CEP112: variants seen among roughly 807,000 people sequenced by gnomAD.
CEP112 encodes centrosomal protein of 112 kDa.
Under a neutral mutation model 153.0 loss-of-function variants are expected in CEP112, and 127 were observed. That is an observed-to-expected ratio of 0.83 (90% CI 0.72 to 0.96). CEP112 has a LOEUF of 0.96. Ranked by LOEUF, CEP112 falls within the 40% of genes least tolerant of loss-of-function variation. The probability of loss-of-function intolerance (pLI) is 0.00; values close to 1 mark genes in which losing one functional copy is unlikely to be tolerated. For missense variants in CEP112, 1,089 were observed against 1,101.2 expected, an observed-to-expected ratio of 0.99 and a Z score of 0.16; for synonymous variants, 358 against 374.4, an observed-to-expected ratio of 0.96 and a Z score of 0.51.
At chr17:66,126,419 A>C (rs1253490068) in intron 6 of CEP112, among the ~76,000 whole-genome samples, 1 of 152,196 alleles carries the variant, frequency 6.6e-6, no homozygotes, top group Admixed American at 6.5e-5. Flanking sequence ...ACGAGTCACT[A>C]AAGGGAGAAT....
At chr17:65,770,368 A>C (rs1459066597) in intron 21 of CEP112, among the ~76,000 whole-genome samples, 1 of 152,064 alleles carries the variant, frequency 6.6e-6, no homozygotes, top group African/African-American at 2.4e-5. Context: ...AAATCTGTTA[A>C]TCTAGAAATG....
intron 4 of CEP112, among the ~76,000 whole-genome samples, chr17:66,169,086 T>C (rs1230782137): frequency 6.6e-6 from 1 of 152,130 alleles, no homozygotes; most frequent in African/African-American, 2.4e-5. Flanking sequence ...GATGGATTAC[T>C]AGGATGTAAA....
intron 14 of CEP112, among the ~76,000 whole-genome samples, 193 bp downstream of exon 14, chr17:66,028,930 G>A (rs1264713109): frequency 2.0e-5 from 3 of 152,084 alleles, no homozygotes; most frequent in African/African-American, 7.2e-5. Flanking sequence ...TATTTGTGTT[G>A]TGCTATATAG....
In CEP112 at chr17:65,815,896, C is replaced by T. The variant is rs921501162; in HGVS notation, c.2394+35908G>A. Among the ~76,000 whole-genome samples, 2 of 152,016 alleles carry T rather than the reference C, an allele frequency of 1.3e-5. 1 individual carries two copies. The highest frequency in any genetic ancestry group is 4.1e-4 in the South Asian group (2 of 4,826). On this transcript the variant is annotated intron_variant, in intron 21 of 26. Transcript: ENST00000535342. Reference sequence around the variant, plus strand: ...TTGTAGTTTTGTATTTTTGCAGATTCCTTTTATCTCATGTAGATGACATGT... The same window carrying T: ...TTGTAGTTTTGTATTTTTGCAGATTTCTTTTATCTCATGTAGATGACATGT...
At chr17:65,676,486 A>G (rs2047240303) in intron 24 of CEP112, among the ~76,000 whole-genome samples, 1 of 152,210 alleles carries the variant, frequency 6.6e-6, no homozygotes, top group African/African-American at 2.4e-5. Flanking sequence ...GGGATATACT[A>G]TGTTCACAGT....
chr17:65,977,849 C>T (rs8075223), intron 17 of CEP112, among the ~76,000 whole-genome samples: 151,663 of 152,262 alleles, frequency 1, 75,534 homozygotes, highest in Middle Eastern at 1. Flanking sequence ...CTGAGGCAGG[C>T]GAATCACTTG....
chr17:65,764,502 T>C (rs987203849), intron 21 of CEP112, among the ~76,000 whole-genome samples: 23 of 152,372 alleles, frequency 1.5e-4, no homozygotes, highest in Middle Eastern at 3.4e-3. Context: ...TTGATGAATG[T>C]CCTCTTTATC....
intron 24 of CEP112, among the ~76,000 whole-genome samples, chr17:65,659,063 T>C (rs12453613): frequency 0.3 from 37,551 of 126,250 alleles, 7,236 homozygotes; most frequent in Middle Eastern, 0.49. Flanking sequence ...TTCTATCCCC[T>C]GCCTTGAATA....
At chr17:66,136,834 T>C (rs574795141) in intron 4 of CEP112, among the ~76,000 whole-genome samples, 2 of 152,226 alleles carry the variant, frequency 1.3e-5, no homozygotes, top group African/African-American at 4.8e-5. Context: ...AGAGAAGACA[T>C]ATCCACAGAA....
rs75940761 is a variant in CEP112 at position 66,088,989 on chromosome 17, C to T, written c.768+7262G>A. Among the ~76,000 whole-genome samples the T allele has an allele frequency of 4.5e-3, 685 of 152,236 alleles. 6 individuals are homozygous for T. Among genetic ancestry groups the T allele is most frequent in the African/African-American group, 0.016 (653 of 41,538 alleles). Reference sequence around the variant, plus strand: ...AGCCCTGGTGGATACATATTTCAGGCTTACCATGCAGACCCAAACTCCAAG... The same window carrying T: ...AGCCCTGGTGGATACATATTTCAGGTTTACCATGCAGACCCAAACTCCAAG... On this transcript the variant is annotated intron_variant, in intron 8 of 26. Coordinates refer to ENST00000535342, the MANE Select transcript of CEP112 (RefSeq NM_001199165.4).
At chr17:65,758,189 A>G (rs991929558) in intron 21 of CEP112, among the ~76,000 whole-genome samples, 1 of 152,184 alleles carries the variant, frequency 6.6e-6, no homozygotes, top group Non-Finnish European at 1.5e-5. Flanking sequence ...TAGAAATAGT[A>G]GTAGTCATAG....
intron 4 of CEP112, among the ~76,000 whole-genome samples, chr17:66,137,998 T>C (rs1428082874): frequency 3.3e-5 from 5 of 152,110 alleles, no homozygotes; most frequent in African/African-American, 1.2e-4. Flanking sequence ...AAAATAACTA[T>C]AACAGTTACT....
chr17:65,939,566 T>C (rs1283932165), intron 18 of CEP112, among the ~76,000 whole-genome samples: 1 of 152,140 alleles, frequency 6.6e-6, no homozygotes, highest in African/African-American at 2.4e-5. Context: ...AGGAACAGGA[T>C]AGAGTTCAGA....
At chr17:66,140,976 T>C (rs2070670821) in intron 4 of CEP112, among the ~76,000 whole-genome samples, 1 of 152,100 alleles carries the variant, frequency 6.6e-6, no homozygotes, top group African/African-American at 2.4e-5. Context: ...CTCTTTTCAG[T>C]ATAATCTTGA....
chr17:66,127,452 A>G (rs1279661840), intron 6 of CEP112, among the ~76,000 whole-genome samples: 3 of 152,130 alleles, frequency 2.0e-5, no homozygotes, highest in East Asian at 1.9e-4. Context: ...AAACATGAAA[A>G]TGTTTTTCTT....
At chr17:65,703,110 G>A (rs2048724098) in intron 23 of CEP112, among the ~76,000 whole-genome samples, 8 of 152,184 alleles carry the variant, frequency 5.3e-5, no homozygotes. Context: ...CTGTGCATAA[G>A]AGGGGATTGG....
intron 24 of CEP112, among the ~76,000 whole-genome samples, chr17:65,658,653 A>T (rs983034231): frequency 2.6e-5 from 4 of 152,120 alleles, no homozygotes; most frequent in African/African-American, 9.7e-5. Context: ...GCAGGACTAG[A>T]GGCCCAAGAA....
At chr17:65,988,345 A>C (rs2063478233) in intron 17 of CEP112, among the ~76,000 whole-genome samples, 1 of 152,208 alleles carries the variant, frequency 6.6e-6, no homozygotes, top group Non-Finnish European at 1.5e-5. Context: ...TAAATAACTA[A>C]TCCTTCAATG....
At chr17:65,718,593 G>C (rs2049688130) in intron 23 of CEP112, among the ~76,000 whole-genome samples, 1 of 151,774 alleles carries the variant, frequency 6.6e-6, no homozygotes, top group Non-Finnish European at 1.5e-5. Context: ...ATTTTGGGAG[G>C]GTTTAGTTTA....
Sources: allele counts gnomAD v4.1 joint callset (sites outside exome capture counted in the v4.1 genomes callset), GRCh38; gene constraint gnomAD v4.1.1; transcripts MANE v1.5; gene names NCBI Gene and HGNC (gene_info 2026-07-23, HGNC 2026-07-21).